Variants in C10orf90 observed in about 807,000 individuals in gnomAD.
C10orf90 encodes (E2-independent) E3 ubiquitin-conjugating enzyme FATS.
A neutral mutation model predicts 62.5 loss-of-function variants in C10orf90; 56 were observed. That is an observed-to-expected ratio of 0.90 (90% confidence interval 0.72 to 1.12). The LOEUF (loss-of-function observed/expected upper bound fraction) is 1.12. Ranked by LOEUF, C10orf90 falls within the 50% of genes most tolerant of loss-of-function variation. The pLI, the probability that C10orf90 is intolerant of heterozygous loss-of-function variation, is 0.00. For missense variants in C10orf90, 970 were observed against 880.4 expected, an observed-to-expected ratio of 1.10 and a Z score of -1.29; for synonymous variants, 386 against 340.4, an observed-to-expected ratio of 1.13 and a Z score of -1.47.
At chr10:126,629,555 T>A (rs1845811718) in intron 2 of C10orf90, among the ~76,000 whole-genome samples, 1 of 152,208 alleles carries the variant, frequency 6.6e-6, no homozygotes, top group Non-Finnish European at 1.5e-5. Flanking sequence ...TGCAGACATC[T>A]GAAGGGATCT....
chr10:126,447,799 T>G (rs1030817090), intron 7 of C10orf90, among the ~76,000 whole-genome samples: 10 of 151,686 alleles, frequency 6.6e-5, no homozygotes, highest in African/African-American at 2.4e-4. Context: ...TAAGTCTTAA[T>G]AAATTTAGAT....
At chr10:126,491,864 C>T (rs1861790117) in intron 4 of C10orf90, among the ~76,000 whole-genome samples, 1 of 152,198 alleles carries the variant, frequency 6.6e-6, no homozygotes, top group Non-Finnish European at 1.5e-5. Flanking sequence ...AGATTCCAAA[C>T]TTACACTGTA....
At chr10:126,664,078 C>A (rs923732885) in intron 1 of C10orf90, among the ~76,000 whole-genome samples, 1 of 152,164 alleles carries the variant, frequency 6.6e-6, no homozygotes, top group African/African-American at 2.4e-5. Context: ...CAGCTGGCCC[C>A]AGGAGTAGGC....
At chr10:126,470,110 C>T (rs1318494727) in intron 4 of C10orf90, 9 of 442,534 alleles carry the variant, frequency 2.0e-5, no homozygotes, top group Non-Finnish European at 4.1e-5. Context: ...CACTCTTCTG[C>T]ATGTTGTGTC....
intron 1 of C10orf90, among the ~76,000 whole-genome samples, chr10:126,658,049 T>G (rs527351319): frequency 6.6e-6 from 1 of 152,272 alleles, no homozygotes; most frequent in Admixed American, 6.5e-5. Context: ...AGACTTTGGG[T>G]GAACCTACAA....
intron 2 of C10orf90, among the ~76,000 whole-genome samples, chr10:126,601,756 C>T (rs1226925229): frequency 1.3e-5 from 2 of 152,264 alleles, no homozygotes; most frequent in Non-Finnish European, 2.9e-5. Context: ...AAGTAGCCCT[C>T]CTAAAGAATA....
intron 2 of C10orf90, among the ~76,000 whole-genome samples, chr10:126,629,639 T>A (rs1414981531): frequency 6.6e-6 from 1 of 152,220 alleles, no homozygotes; most frequent in Non-Finnish European, 1.5e-5. Flanking sequence ...AAAATTTTAG[T>A]TAAACTAACC....
At chr10:126,590,343 A>G (rs377684455) in intron 2 of C10orf90, among the ~76,000 whole-genome samples, 8 of 152,292 alleles carry the variant, frequency 5.3e-5, no homozygotes, top group African/African-American at 1.9e-4. Flanking sequence ...AGCAGACCTA[A>G]TAGATACCTG....
chr10:126,583,132 T>A (rs1004003995), intron 2 of C10orf90, among the ~76,000 whole-genome samples: 6 of 152,190 alleles, frequency 3.9e-5, no homozygotes, highest in African/African-American at 1.2e-4. Flanking sequence ...TTTTGTCACA[T>A]GTGCCTGGGG....
chr10:126,633,748 G>A (rs991783123), intron 2 of C10orf90, among the ~76,000 whole-genome samples: 5 of 152,272 alleles, frequency 3.3e-5, no homozygotes, highest in Admixed American at 2.6e-4. Context: ...CAACCTCTCT[G>A]CTTCCCCCAA....
At chr10:126,517,900 C>T (rs1415513102) in intron 2 of C10orf90, among the ~76,000 whole-genome samples, 2 of 109,230 alleles carry the variant, frequency 1.8e-5, no homozygotes, top group African/African-American at 7.2e-5. Flanking sequence ...CACAGTGAGA[C>T]TCCATCTCAA....
chr10:126,553,386 C>T lies in C10orf90; in HGVS notation c.314-39447G>A, dbSNP rs550730364. On this transcript the variant is annotated intron_variant, in intron 2 of 9. Coordinates refer to ENST00000488181, the MANE Select transcript of C10orf90 (RefSeq NM_001350921.2). Reference sequence around the variant, plus strand: ...GAGTATAGCTAGTGACAAATAAGGACATGAATAGGTGCTCAACACCTATTA... The same window carrying T: ...GAGTATAGCTAGTGACAAATAAGGATATGAATAGGTGCTCAACACCTATTA... 3.7e-4 allele frequency among the ~76,000 whole-genome samples: 56 copies of T among 152,244 alleles called. 1 individual carries two copies. Among genetic ancestry groups the T allele is most frequent in the African/African-American group, 1.3e-3 (53 of 41,530 alleles).
chr10:126,444,536 G>A (rs1398574651), intron 7 of C10orf90, among the ~76,000 whole-genome samples: 2 of 152,052 alleles, frequency 1.3e-5, no homozygotes, highest in Non-Finnish European at 2.9e-5. Flanking sequence ...ACAAACAAAT[G>A]GAAATACATC....
At chr10:126,479,161 T>G (rs17154845) in intron 4 of C10orf90, among the ~76,000 whole-genome samples, 12,503 of 152,206 alleles carry the variant, frequency 0.082, 601 homozygotes, top group Middle Eastern at 0.15. Flanking sequence ...AATAAGAATG[T>G]CTGGACCCTT....
chr10:126,638,642 G>A (rs1488353813), intron 2 of C10orf90, among the ~76,000 whole-genome samples: 1 of 152,134 alleles, frequency 6.6e-6, no homozygotes, highest in Non-Finnish European at 1.5e-5. Context: ...AAAATGATGA[G>A]GGCCTTGGAT....
intron 2 of C10orf90, among the ~76,000 whole-genome samples, chr10:126,624,428 C>T (rs1845704665): frequency 1.3e-5 from 2 of 152,156 alleles, no homozygotes; most frequent in African/African-American, 4.8e-5. Context: ...CAACATGGCC[C>T]TTTTTGTGTG....
chr10:126,542,967 T>C (rs965620196), intron 2 of C10orf90, among the ~76,000 whole-genome samples: 14 of 152,206 alleles, frequency 9.2e-5, no homozygotes, highest in Non-Finnish European at 1.9e-4. Context: ...ATGAAACAAA[T>C]TTAAAAATTT....
chr10:126,461,582 T>A lies in C10orf90; in HGVS notation c.1829A>T (p.Asp610Val), dbSNP rs1351982700. The A allele has an allele frequency of 6.2e-7, 1 of 1,613,288 alleles. No homozygotes were observed. Among genetic ancestry groups the A allele is most frequent in the Non-Finnish European group, 8.5e-7 (1 of 1,179,816 alleles). Residue 610 changes from aspartate (D) to valine (V), a missense_variant, in exon 6 of 10, where the codon GAT becomes GTT. Physicochemically the swap from Asp to Val is radical, Grantham distance 152. Coordinates refer to ENST00000488181, the MANE Select transcript of C10orf90 (RefSeq NM_001350921.2). Reference sequence around the variant, plus strand: ...TACAACCAAGTCACAGCATGTGTAATCTCCTAGGAGAGAAGATTTAGAATC... The same window carrying A: ...TACAACCAAGTCACAGCATGTGTAAACTCCTAGGAGAGAAGATTTAGAATC... ...VQIESKFPKGDYTCCDLVVKI... is the reference protein window; with the variant it reads ...VQIESKFPKGVYTCCDLVVKI...
chr10:126,625,175 C>T (rs1210122909), intron 2 of C10orf90, among the ~76,000 whole-genome samples: 4 of 152,166 alleles, frequency 2.6e-5, no homozygotes, highest in Non-Finnish European at 5.9e-5. Context: ...CCATTTCCCC[C>T]GTCAGCCTCA....
Sources: gnomAD v4.1 joint callset for allele counts (sites outside exome capture counted in the v4.1 genomes callset) on GRCh38, gnomAD v4.1.1 for gene constraint, MANE v1.5 for transcripts, NCBI Gene and HGNC (gene_info 2026-07-23, HGNC 2026-07-21) for gene names.